CDH18: variants seen among roughly 807,000 people sequenced by gnomAD.
CDH18 encodes cadherin-18.
In CDH18, 31 loss-of-function variants were observed where a neutral mutation model predicts 67.9. The observed-to-expected ratio is 0.46, with a 90% CI of 0.34 to 0.62. The LOEUF is 0.62. CDH18 is among the 20% of genes least tolerant of loss of function. CDH18 has a pLI of 0.01. For missense variants in CDH18, 890 were observed against 975.5 expected (o/e 0.91, Z 1.17); for synonymous variants, 362 against 347.2 (o/e 1.04, Z -0.48).
intron 10 of CDH18, among the ~76,000 whole-genome samples, chr5:19,517,996 T>G (rs1746303822): frequency 6.6e-6 from 1 of 151,968 alleles, no homozygotes; most frequent in African/African-American, 2.4e-5. Context: ...TGTTTAATAT[T>G]TTTTCATCAA....
At chr5:20,127,504 A>G (rs1748931944) in intron 2 of CDH18, among the ~76,000 whole-genome samples, 2 of 152,128 alleles carry the variant, frequency 1.3e-5, no homozygotes, top group Non-Finnish European at 2.9e-5. Context: ...AATCTCATTC[A>G]GTCTTAAAAT....
chr5:20,175,768 G>T (rs1737183075), intron 2 of CDH18, among the ~76,000 whole-genome samples: 1 of 151,988 alleles, frequency 6.6e-6, no homozygotes. Flanking sequence ...ACATTTTTCT[G>T]CCTGCTTTAT....
At chr5:19,563,869 C>A (rs1233607517) in intron 8 of CDH18, among the ~76,000 whole-genome samples, 2 of 152,122 alleles carry the variant, frequency 1.3e-5, no homozygotes, top group Non-Finnish European at 2.9e-5. Context: ...CTCCCTCATA[C>A]CCTGGTAGTG....
chr5:20,304,368 T>G (rs948951838), intron 1 of CDH18: 1 of 1,486,482 alleles, frequency 6.7e-7, no homozygotes, highest in Non-Finnish European at 9.4e-7. Context: ...AGTTTACACT[T>G]TTTGGAGTAA....
At chr5:19,777,574 AG>A (rs1774546766) in intron 3 of CDH18, among the ~76,000 whole-genome samples, 1 of 152,200 alleles carries the variant, frequency 6.6e-6, no homozygotes, top group Non-Finnish European at 1.5e-5. Flanking sequence ...AAAAAGAATT[AG>A]GGCCTAAATT....
At position 19,735,533 on chromosome 5, in the gene CDH18, C is replaced by T. The variant is rs535169835; in HGVS notation, c.523+11409G>A. ...GCCTCAGCCTCCCAAGTAGCTGGGA[C>T]CACAGGCGCCCACCACCACGCCCGG... On this transcript the variant is annotated intron_variant, in intron 4 of 12. Coordinates refer to ENST00000382275, the MANE Select transcript of CDH18 (RefSeq NM_004934.5). Among the ~76,000 whole-genome samples the T allele has an allele frequency of 5.9e-5, 9 of 151,798 alleles. No homozygotes were observed. In the South Asian group the frequency reaches 1.9e-3, roughly 32 times the overall value.
chr5:20,395,089 G>C (rs764346484), intron 1 of CDH18, among the ~76,000 whole-genome samples: 2 of 151,940 alleles, frequency 1.3e-5, no homozygotes, highest in Non-Finnish European at 2.9e-5. Context: ...TCTATGACTG[G>C]GTATCTACCC....
intron 2 of CDH18, among the ~76,000 whole-genome samples, chr5:20,012,383 A>AC (rs1347571887): frequency 6.6e-6 from 1 of 150,998 alleles, no homozygotes; most frequent in Non-Finnish European, 1.5e-5. Flanking sequence ...AAAAAAAAAA[A>AC]AAAAAAAACA....
intron 4 of CDH18, among the ~76,000 whole-genome samples, chr5:19,721,821 A>T (rs1766140643): frequency 6.6e-6 from 1 of 152,188 alleles, no homozygotes; most frequent in Admixed American, 6.5e-5. Flanking sequence ...TTTTGCAGTT[A>T]AATCAGAGTT....
At chr5:19,871,388 C>T (rs1027046253) in intron 2 of CDH18, among the ~76,000 whole-genome samples, 1 of 134,560 alleles carries the variant, frequency 7.4e-6, no homozygotes, top group Non-Finnish European at 1.7e-5. Context: ...AAACTTATCA[C>T]ATCTTTTTTT....
chr5:19,851,744 T>C (rs953753022), intron 2 of CDH18, among the ~76,000 whole-genome samples: 1 of 149,784 alleles, frequency 6.7e-6, no homozygotes, highest in South Asian at 2.1e-4. Flanking sequence ...TATATATGTG[T>C]GTGTGTATGT....
At chr5:19,575,152 A>C (rs2149956365) in intron 7 of CDH18, among the ~76,000 whole-genome samples, 1 of 152,334 alleles carries the variant, frequency 6.6e-6, no homozygotes, top group East Asian at 1.9e-4. Flanking sequence ...GTTACATTTA[A>C]ATTTAGGATA....
At chr5:20,216,886 C>T (rs1185494418) in intron 2 of CDH18, among the ~76,000 whole-genome samples, 2 of 151,728 alleles carry the variant, frequency 1.3e-5, no homozygotes, top group African/African-American at 4.8e-5. Context: ...AGAGCAAGAG[C>T]AAGGCAAAAA....
At chr5:19,657,021 T>C (rs1054373753) in intron 5 of CDH18, among the ~76,000 whole-genome samples, 2 of 152,226 alleles carry the variant, frequency 1.3e-5, no homozygotes, top group Admixed American at 6.6e-5. Context: ...TTGTGAGGTT[T>C]GGTGAAAATA....
At chr5:19,758,515 A>C (rs887455244) in intron 3 of CDH18, among the ~76,000 whole-genome samples, 1 of 152,214 alleles carries the variant, frequency 6.6e-6, no homozygotes, top group Non-Finnish European at 1.5e-5. Context: ...GCTTGCACAG[A>C]AGCCTGGATC....
At chr5:20,218,321 T>C (rs1160903541) in intron 2 of CDH18, among the ~76,000 whole-genome samples, 2 of 152,008 alleles carry the variant, frequency 1.3e-5, no homozygotes, top group Non-Finnish European at 2.9e-5. Flanking sequence ...AACTATCTTC[T>C]TTCTCCACAA....
chr5:19,602,917 A>G (rs1451239456), intron 6 of CDH18, among the ~76,000 whole-genome samples: 1 of 152,130 alleles, frequency 6.6e-6, no homozygotes, highest in African/African-American at 2.4e-5. Context: ...GTGAGCCAAG[A>G]TCGCACCATT....
intron 1 of CDH18, among the ~76,000 whole-genome samples, chr5:20,292,656 G>A (rs1747187681): frequency 6.6e-6 from 1 of 152,122 alleles, no homozygotes; most frequent in South Asian, 2.1e-4. Flanking sequence ...GAAGGACATG[G>A]GAGGAGAACG....
At chr5:19,635,965 T>C (rs1753089019) in intron 5 of CDH18, among the ~76,000 whole-genome samples, 1 of 152,122 alleles carries the variant, frequency 6.6e-6, no homozygotes, top group Admixed American at 6.6e-5. Flanking sequence ...GAAAATGTTG[T>C]TGAAAGTAAA....
Sources: gnomAD v4.1 joint callset for allele counts (sites outside exome capture counted in the v4.1 genomes callset) on GRCh38, gnomAD v4.1.1 for gene constraint, MANE v1.5 for transcripts, NCBI Gene and HGNC (gene_info 2026-07-23, HGNC 2026-07-21) for gene names.